The following GAS7 variants were observed in gnomAD, a reference collection of about 807,000 sequenced individuals.
GAS7 encodes growth arrest-specific protein 7.
Under a neutral mutation model 71.1 loss-of-function variants are expected in GAS7, and 28 were observed. The observed-to-expected ratio is 0.39, with a 90% CI of 0.29 to 0.54. The LOEUF (loss-of-function observed/expected upper bound fraction) is 0.54, where lower values mean the gene tolerates loss of function less well. Among genes scored for constraint, GAS7 ranks in the 20% least tolerant of loss-of-function variants. The pLI is 0.62. For missense variants in GAS7, 436 were observed against 627.8 expected, an observed-to-expected ratio of 0.69 and a Z score of 3.27; for synonymous variants, 258 against 245.8, an observed-to-expected ratio of 1.05 and a Z score of -0.46.
At chr17:10,191,673 G>A (rs1374573463) in intron 1 of GAS7, among the ~76,000 whole-genome samples, 2 of 151,170 alleles carry the variant, frequency 1.3e-5, no homozygotes, top group South Asian at 2.1e-4. Context: ...TCAGGAGTTC[G>A]AGACCAGCCT....
chr17:9,967,052 G>T (rs1259252931), intron 4 of GAS7, among the ~76,000 whole-genome samples: 1 of 151,812 alleles, frequency 6.6e-6, no homozygotes, highest in Non-Finnish European at 1.5e-5. Context: ...AGCTCCCAAG[G>T]TTACCATCCA....
At position 9,966,058 on chromosome 17, in the gene GAS7, G is replaced by A. The variant is rs528887054; in HGVS notation, c.471+3619C>T. On this transcript the variant is annotated intron_variant, in intron 4 of 13. Transcript: ENST00000432992. Reference sequence around the variant, plus strand: ...CTGTCGCCCAGGCTGGAGTGCAGTGGTGCAATCTCGGCTCACTGCAAGCTC... The same window carrying A: ...CTGTCGCCCAGGCTGGAGTGCAGTGATGCAATCTCGGCTCACTGCAAGCTC... Among the ~76,000 whole-genome samples, 5 of 149,572 alleles carry A rather than the reference G, an allele frequency of 3.3e-5. No homozygotes were observed. In the South Asian group the frequency reaches 6.4e-4, roughly 19 times the overall value.
At chr17:10,165,371 C>T (rs895438447) in intron 1 of GAS7, among the ~76,000 whole-genome samples, 1 of 151,428 alleles carries the variant, frequency 6.6e-6, no homozygotes, top group African/African-American at 2.4e-5. Flanking sequence ...TTTCATCTTG[C>T]TGCTTCTCAA....
intron 2 of GAS7, among the ~76,000 whole-genome samples, chr17:10,016,251 G>A (rs1370432938): frequency 6.6e-6 from 1 of 151,984 alleles, no homozygotes; most frequent in Non-Finnish European, 1.5e-5. Context: ...CAGGTGTGGT[G>A]GCAGGCACCT....
At chr17:9,949,598 C>T (rs1304344387) in intron 5 of GAS7, among the ~76,000 whole-genome samples, 5 of 152,158 alleles carry the variant, frequency 3.3e-5, no homozygotes, top group Non-Finnish European at 5.9e-5. Flanking sequence ...GCCTCCTCCT[C>T]CCAGATCCTT....
chr17:10,025,038 G>A (rs1408663235), intron 1 of GAS7, among the ~76,000 whole-genome samples: 3 of 152,116 alleles, frequency 2.0e-5, no homozygotes, highest in Admixed American at 6.5e-5. Flanking sequence ...TTTAAAACAA[G>A]GCATCTGAGA....
chr17:10,081,594 C>T lies in GAS7; in HGVS notation c.184-61697G>A, dbSNP rs75132489. ...CGGTAAAGCAATGACTGAAAGACTGCGAAATAGAAAAATGAGCAGAGAATG... is the reference window on the plus strand; with the variant it reads ...CGGTAAAGCAATGACTGAAAGACTGTGAAATAGAAAAATGAGCAGAGAATG... On this transcript the variant is annotated intron_variant, in intron 1 of 13. Coordinates refer to ENST00000432992, the MANE Select transcript of GAS7 (RefSeq NM_201433.2). Among the ~76,000 whole-genome samples, 501 of 151,862 alleles carry T rather than the reference C, an allele frequency of 3.3e-3. 2 individuals carry two copies. Among genetic ancestry groups the T allele is most frequent in the African/African-American group, 0.011 (464 of 41,382 alleles).
rs80221634 is a variant in GAS7 at position 9,917,381 on chromosome 17, C to T, written c.1318-40G>A. 8,672 of 1,378,762 alleles carry T rather than the reference C, an allele frequency of 6.3e-3. 398 individuals carry two copies. The African/African-American group carries it at 0.1, about 17-fold the overall frequency. The allele number at this position is 1,378,762 out of a possible 1,614,324, so 85.4% of individuals were successfully genotyped here. On this transcript the variant is annotated intron_variant, in intron 13 of 13. Coordinates refer to ENST00000432992, the MANE Select transcript of GAS7 (RefSeq NM_201433.2). Reference sequence around the variant, plus strand: ...GAAAATGCGACACTGTTAGAGACGGCGGCCAAGCCAGGGAGGTCTCCTCTG... The same window carrying T: ...GAAAATGCGACACTGTTAGAGACGGTGGCCAAGCCAGGGAGGTCTCCTCTG...
At chr17:10,126,394 GCACA>G (rs566817469) in intron 1 of GAS7, among the ~76,000 whole-genome samples, 1 of 122,024 alleles carries the variant, frequency 8.2e-6, no homozygotes, top group African/African-American at 2.9e-5. Context: ...TCACGCACAT[GCACA>G]CACAAACGTG....
intron 2 of GAS7, among the ~76,000 whole-genome samples, chr17:10,010,919 T>C (rs555334196): frequency 3.9e-5 from 6 of 152,324 alleles, no homozygotes; most frequent in African/African-American, 1.4e-4. Flanking sequence ...ATAGACAATA[T>C]GTAAACAAAA....
intron 7 of GAS7, among the ~76,000 whole-genome samples, chr17:9,942,298 G>A (rs1285759072): frequency 1.3e-5 from 2 of 152,048 alleles, no homozygotes; most frequent in Non-Finnish European, 2.9e-5. Flanking sequence ...ATTGCAATTT[G>A]CTATATTTCC....
At chr17:10,169,497 A>G (rs1436731486) in intron 1 of GAS7, among the ~76,000 whole-genome samples, 2 of 152,156 alleles carry the variant, frequency 1.3e-5, no homozygotes, top group East Asian at 1.9e-4. Context: ...GGCTTTGACC[A>G]TATCTCAGAT....
At chr17:10,164,924 G>A (rs1167531714) in intron 1 of GAS7, among the ~76,000 whole-genome samples, 3 of 151,604 alleles carry the variant, frequency 2.0e-5, no homozygotes, top group East Asian at 3.9e-4. Flanking sequence ...CAAGGCAGGC[G>A]GATCACCTGA....
chr17:9,958,034 T>C (rs1409499395), intron 5 of GAS7, among the ~76,000 whole-genome samples: 1 of 152,128 alleles, frequency 6.6e-6, no homozygotes, highest in Non-Finnish European at 1.5e-5. Context: ...GCAGGCTCTG[T>C]TCTAAGTGCT....
chr17:9,937,690 C>T (rs1043145489), intron 8 of GAS7, among the ~76,000 whole-genome samples: 5 of 152,234 alleles, frequency 3.3e-5, no homozygotes, highest in African/African-American at 1.2e-4. Context: ...AAATCTCAGT[C>T]TCCTGAAGGA....
At chr17:10,084,100 G>A (rs2073487992) in intron 1 of GAS7, among the ~76,000 whole-genome samples, 2 of 152,140 alleles carry the variant, frequency 1.3e-5, no homozygotes, top group South Asian at 4.1e-4. Context: ...CCTGGGTGGT[G>A]GAATTTGCAG....
intron 1 of GAS7, among the ~76,000 whole-genome samples, chr17:10,152,952 A>G (rs1261673192): frequency 6.6e-6 from 1 of 151,184 alleles, no homozygotes; most frequent in Non-Finnish European, 1.5e-5. Flanking sequence ...AATACCCAGC[A>G]CTTTGGGAGG....
intron 7 of GAS7, among the ~76,000 whole-genome samples, chr17:9,940,548 C>T (rs73974343): frequency 0.012 from 1,757 of 152,256 alleles, 14 homozygotes; most frequent in Middle Eastern, 0.034. Flanking sequence ...AAGAAATGAA[C>T]GTTTGCAACT....
intron 5 of GAS7, among the ~76,000 whole-genome samples, chr17:9,955,747 C>T (rs2069206062): frequency 1.3e-5 from 2 of 152,208 alleles, no homozygotes; most frequent in Non-Finnish European, 2.9e-5. Flanking sequence ...GAGGGGCACG[C>T]CTCCCCGTGT....
Sources: allele counts gnomAD v4.1 joint callset (sites outside exome capture counted in the v4.1 genomes callset), GRCh38; gene constraint gnomAD v4.1.1; transcripts MANE v1.5; gene names NCBI Gene and HGNC (gene_info 2026-07-23, HGNC 2026-07-21).